DUSP5: variants seen among roughly 807,000 people sequenced by gnomAD.
DUSP5 encodes dual specificity protein phosphatase 5.
A neutral mutation model predicts 33.6 loss-of-function variants in DUSP5; 22 were observed. That is an observed-to-expected ratio of 0.66 (90% CI 0.47 to 0.94). The LOEUF is 0.94. Ranked by LOEUF, DUSP5 falls within the 40% of genes least tolerant of loss-of-function variation. The probability of loss-of-function intolerance (pLI) is 0.00; values close to 1 mark genes in which losing one functional copy is unlikely to be tolerated. For synonymous variants in DUSP5, 270 were observed against 231.1 expected (o/e 1.17, Z -1.53); for missense variants, 551 against 522.1 (o/e 1.06, Z -0.54).
chr10:110,511,023 A>T lies in DUSP5; in HGVS notation c.*597A>T, dbSNP rs41291910. ...TGAGGTAGTTGGTTGAAGTAGCAAG[A>T]TGTTGGCTTTTCTGGATTTTTTTTG... On this transcript the variant is annotated 3_prime_UTR_variant, in exon 4 of 4. Coordinates refer to ENST00000369583, the MANE Select transcript of DUSP5 (RefSeq NM_004419.4). The T allele has an allele frequency of 0.031, 4,747 of 152,758 alleles. 106 individuals are homozygous for T. Among genetic ancestry groups the T allele is most frequent in the Non-Finnish European group, 0.051 (3,498 of 68,104 alleles). 9.5% of individuals were successfully genotyped at this position (152,758 alleles called of 1,614,324 possible). A position where few individuals can be genotyped will look rare whatever the true frequency, so the allele number is the denominator to read the frequency against.
intron 2 of DUSP5, among the ~76,000 whole-genome samples, chr10:110,504,612 T>C (rs1242092685): frequency 6.6e-6 from 1 of 152,210 alleles, no homozygotes; most frequent in Admixed American, 6.5e-5. Context: ...GACTTGGAAC[T>C]CTGACTCCTT....
intron 1 of DUSP5, among the ~76,000 whole-genome samples, chr10:110,498,963 CT>C (rs1209681408): frequency 2.0e-5 from 3 of 152,328 alleles, no homozygotes; most frequent in African/African-American, 7.2e-5. Flanking sequence ...CAGCTGTGGT[CT>C]TCACCGACCC....
Position 110,508,143 on chromosome 10 carries a change from A to T in DUSP5, c.748+989A>T, listed in dbSNP as rs116804394. On this transcript the variant is annotated intron_variant, in intron 3 of 3. Transcript: ENST00000369583. Reference sequence around the variant, plus strand: ...CACATAGTGGCCCTCTGTTCACCACACAATTTCTGCTCCCCAGGAAACCCT... The same window carrying T: ...CACATAGTGGCCCTCTGTTCACCACTCAATTTCTGCTCCCCAGGAAACCCT... Among the ~76,000 whole-genome samples the T allele has an allele frequency of 5.8e-3, 888 of 152,220 alleles. 11 individuals are homozygous for T. Among genetic ancestry groups the T allele is most frequent in the African/African-American group, 0.02 (844 of 41,528 alleles).
Position 110,510,087 on chromosome 10 carries a change from C to T in DUSP5, c.816C>T (p.Thr272=). The T allele has an allele frequency of 2.5e-6, 4 of 1,614,126 alleles. No individual in the cohort carries two copies. Among genetic ancestry groups the T allele is most frequent in the Middle Eastern group, 1.7e-4 (1 of 6,060 alleles). The change falls in exon 4 of 4, where the codon ACC becomes ACT. Residue 272 remains threonine, a synonymous_variant. Coordinates refer to ENST00000369583, the MANE Select transcript of DUSP5 (RefSeq NM_004419.4). ...HCEAGISRSP[T]ICMAYLMKTK... Reference sequence around the variant, plus strand: ...AGGCTGGGATCTCCCGTTCACCCACCATCTGCATGGCTTACCTTATGAAGA... The same window carrying T: ...AGGCTGGGATCTCCCGTTCACCCACTATCTGCATGGCTTACCTTATGAAGA...
At chr10:110,505,027 C>A (rs994122164) in intron 2 of DUSP5, among the ~76,000 whole-genome samples, 2 of 152,204 alleles carry the variant, frequency 1.3e-5, no homozygotes, top group Non-Finnish European at 2.9e-5. Context: ...CACTTTGCCA[C>A]CAGGAAGGCT....
chr10:110,510,633 C>A lies in DUSP5; in HGVS notation c.*207C>A, dbSNP rs1039042810. 1 of 654,640 alleles carries A rather than the reference C, an allele frequency of 1.5e-6. No individual in the cohort carries two copies. The highest frequency in any genetic ancestry group is 2.5e-6 in the Non-Finnish European group (1 of 401,486). 40.6% of individuals were successfully genotyped at this position (654,640 alleles called of 1,614,324 possible). ...GGACTGAAGGAAGGCCAAGCCATTA[C>A]GGGAGCACAGCATGTGCTGACTACT... On this transcript the variant is annotated 3_prime_UTR_variant, in exon 4 of 4. Coordinates refer to ENST00000369583, the MANE Select transcript of DUSP5 (RefSeq NM_004419.4).
chr10:110,498,751 C>T (rs1364894407), intron 1 of DUSP5, among the ~76,000 whole-genome samples: 1 of 152,194 alleles, frequency 6.6e-6, no homozygotes, highest in Non-Finnish European at 1.5e-5. Flanking sequence ...GTTGGTTATG[C>T]TGCGGGGGCT....
intron 2 of DUSP5, among the ~76,000 whole-genome samples, 153 bp from the exon 3 acceptor site, chr10:110,506,782 A>G (rs1860123920): frequency 6.6e-6 from 1 of 152,232 alleles, no homozygotes; most frequent in Non-Finnish European, 1.5e-5. Flanking sequence ...ATACAACCAC[A>G]CTTGGTTGAA....
In DUSP5 at chr10:110,502,711, G is replaced by GT; in HGVS notation, c.380-5dup. The GT allele has an allele frequency of 6.2e-7, 1 of 1,609,124 alleles. No individual in the cohort carries two copies. Among genetic ancestry groups the GT allele is most frequent in the South Asian group, 1.1e-5 (1 of 90,396 alleles). On this transcript the variant is annotated splice_polypyrimidine_tract_variant and intron_variant, in intron 1 of 3. Coordinates refer to ENST00000369583, the MANE Select transcript of DUSP5 (RefSeq NM_004419.4). Reference sequence around the variant, plus strand: ...TACCATCTGTCTCACCTTTTTGTTTGTTTTTGTAGGGGGATATGAGACTTT... The same window carrying GT: ...TACCATCTGTCTCACCTTTTTGTTTGTTTTTTGTAGGGGGATATGAGACTTT...
chr10:110,497,978 C>T lies in DUSP5; in HGVS notation c.-144C>T, dbSNP rs1233256426. On this transcript the variant is annotated 5_prime_UTR_variant, in exon 1 of 4. Transcript: ENST00000369583. ...GCGGGAACGCGGAGTTGCGCCGCCG[C>T]TCGGGCGCCGGGCTCCGTCGCGGCC... 1 of 642,164 alleles carries T rather than the reference C, an allele frequency of 1.6e-6. No individual in the cohort carries two copies. Among genetic ancestry groups the T allele is most frequent in the Non-Finnish European group, 1.9e-6 (1 of 516,902 alleles). 39.8% of individuals were successfully genotyped at this position (642,164 alleles called of 1,614,324 possible). A position where few individuals can be genotyped will look rare whatever the true frequency, so the allele number is the denominator to read the frequency against.
At chr10:110,501,101 C>G (rs1003135959) in intron 1 of DUSP5, among the ~76,000 whole-genome samples, 1 of 152,200 alleles carries the variant, frequency 6.6e-6, no homozygotes, top group African/African-American at 2.4e-5. Flanking sequence ...TCCTGGAACC[C>G]ATAATGTCGA....
Position 110,507,229 on chromosome 10 carries a change from A to T in DUSP5, c.748+75A>T, listed in dbSNP as rs1860130348. On this transcript the variant is annotated intron_variant, in intron 3 of 3. Transcript: ENST00000369583. ...TGTGTTCTTGACTTTTGATGCCCTG[A>T]TGGAAGCTACCTTCACTGAAAGAAA... 3 of 1,441,014 alleles carry T rather than the reference A, an allele frequency of 2.1e-6. No homozygotes were observed. The African/African-American group carries it at 4.2e-5, about 20-fold the overall frequency. 89.3% of individuals were successfully genotyped at this position (1,441,014 alleles called of 1,614,324 possible).
rs968448488 is a variant in DUSP5 at position 110,511,081 on chromosome 10, A to G, written c.*655A>G. 2.0e-5 allele frequency: 3 copies of G among 152,670 alleles called. No homozygotes were observed. Among genetic ancestry groups the G allele is most frequent in the Non-Finnish European group, 2.9e-5 (2 of 68,066 alleles). 9.5% of individuals were successfully genotyped at this position (152,670 alleles called of 1,614,324 possible). On this transcript the variant is annotated 3_prime_UTR_variant, in exon 4 of 4. Transcript: ENST00000369583. ...TTCTTCACTGACCTTGGACTTTGGC[A>G]TGATTCTTAGTCATACTTGAACTTG...
chr10:110,507,881 A>G (rs1395553830), intron 3 of DUSP5, among the ~76,000 whole-genome samples: 1 of 151,898 alleles, frequency 6.6e-6, no homozygotes. Flanking sequence ...TCCCCCATCC[A>G]TCTTCCTAGG....
In DUSP5 at chr10:110,511,381, GTAC is replaced by G. The variant is rs1860191447; in HGVS notation, c.*960_*962del. ...TGGGATTTGCAGATTTTGCAACGTG[GTAC>G]TACTTTTTTTTTCTTTTTGTCTGTT... On this transcript the variant is annotated 3_prime_UTR_variant, in exon 4 of 4. Coordinates refer to ENST00000369583, the MANE Select transcript of DUSP5 (RefSeq NM_004419.4). The G allele has an allele frequency of 1.3e-5, 2 of 152,556 alleles. No homozygotes were observed. The highest frequency in any genetic ancestry group is 6.5e-5 in the Admixed American group (1 of 15,272). The allele number at this position is 152,556 out of a possible 1,614,324, so 9.5% of individuals were successfully genotyped here.
Position 110,498,029 on chromosome 10 carries a change from G to A in DUSP5, c.-93G>A, listed in dbSNP as rs1859977310. 3 of 1,005,624 alleles carry A rather than the reference G, an allele frequency of 3.0e-6. No individual in the cohort carries two copies. The highest frequency in any genetic ancestry group is 2.4e-6 in the Non-Finnish European group (2 of 840,088). 62.3% of individuals were successfully genotyped at this position (1,005,624 alleles called of 1,614,324 possible). On this transcript the variant is annotated 5_prime_UTR_variant, in exon 1 of 4. Coordinates refer to ENST00000369583, the MANE Select transcript of DUSP5 (RefSeq NM_004419.4). The stretch of plus-strand genomic sequence containing the variant: ...GCAGCCCCGCGGGTCGCCCTCCCGT[G>A]CCTCGCCCGCGGACACCCTGGCCGT...
Position 110,511,103 on chromosome 10 carries a change from C to G in DUSP5, c.*677C>G, listed in dbSNP as rs554624859. The G allele has an allele frequency of 6.5e-6, 1 of 152,762 alleles. No individual in the cohort carries two copies. Among genetic ancestry groups the G allele is most frequent in the East Asian group, 1.9e-4 (1 of 5,182 alleles). 9.5% of individuals were successfully genotyped at this position (152,762 alleles called of 1,614,324 possible). A position where few individuals can be genotyped will look rare whatever the true frequency, so the allele number is the denominator to read the frequency against. On this transcript the variant is annotated 3_prime_UTR_variant, in exon 4 of 4. Coordinates refer to ENST00000369583, the MANE Select transcript of DUSP5 (RefSeq NM_004419.4). ...GGCATGATTCTTAGTCATACTTGAACTTGTCTCATTCCACCTCTTCTCAGA... is the reference window on the plus strand; with the variant it reads ...GGCATGATTCTTAGTCATACTTGAAGTTGTCTCATTCCACCTCTTCTCAGA...
At chr10:110,505,085 T>A (rs1860101107) in intron 2 of DUSP5, among the ~76,000 whole-genome samples, 1 of 152,238 alleles carries the variant, frequency 6.6e-6, no homozygotes, top group Non-Finnish European at 1.5e-5. Flanking sequence ...GTGATGCAGA[T>A]GGACATTTTA....
Position 110,510,604 on chromosome 10 carries a change from C to T in DUSP5, c.*178C>T. The T allele has an allele frequency of 1.1e-6, 1 of 896,168 alleles. No homozygotes were observed. Among genetic ancestry groups the T allele is most frequent in the South Asian group, 1.9e-5 (1 of 52,266 alleles). 55.5% of individuals were successfully genotyped at this position (896,168 alleles called of 1,614,324 possible). The stretch of plus-strand genomic sequence containing the variant: ...CTTCAGACGGACCTCAGGGTAGGTT[C>T]TCGGGACTGAAGGAAGGCCAAGCCA... On this transcript the variant is annotated 3_prime_UTR_variant, in exon 4 of 4. Transcript: ENST00000369583.
Sources: gnomAD v4.1 joint callset for allele counts (sites outside exome capture counted in the v4.1 genomes callset) on GRCh38, gnomAD v4.1.1 for gene constraint, MANE v1.5 for transcripts, NCBI Gene and HGNC (gene_info 2026-07-23, HGNC 2026-07-21) for gene names.